Variants in CERS3 observed in about 807,000 individuals in gnomAD.
The protein encoded by CERS3 is LAG1 homolog, ceramide synthase 3.
CERS3 carries 33 observed loss-of-function variants against 50.3 expected under a neutral mutation model. The observed-to-expected ratio is 0.66, with a 90% CI of 0.50 to 0.88. The LOEUF is 0.88. Ranked by LOEUF, CERS3 falls within the 40% of genes least tolerant of loss-of-function variation. The pLI, the probability that CERS3 is intolerant of heterozygous loss-of-function variation, is 0.00. For synonymous variants in CERS3, 176 were observed against 155.2 expected, an observed-to-expected ratio of 1.13 and a Z score of -0.99; for missense variants, 470 against 460.3, an observed-to-expected ratio of 1.02 and a Z score of -0.19.
At chr15:100,498,887 G>C (rs973368366) in intron 3 of CERS3, among the ~76,000 whole-genome samples, 1 of 152,166 alleles carries the variant, frequency 6.6e-6, no homozygotes, top group Non-Finnish European at 1.5e-5. Context: ...TTGCTTTGTT[G>C]TGTTTTTTGT....
At chr15:100,468,210 C>T (rs541743039) in intron 10 of CERS3, among the ~76,000 whole-genome samples, 1 of 152,018 alleles carries the variant, frequency 6.6e-6, no homozygotes, top group African/African-American at 2.4e-5. Flanking sequence ...TACTGAGTAC[C>T]AGACATTGTT....
intron 11 of CERS3, among the ~76,000 whole-genome samples, chr15:100,414,094 T>C (rs766571502): frequency 1.3e-5 from 2 of 152,132 alleles, no homozygotes; most frequent in African/African-American, 2.4e-5. Context: ...ACTCATTCTA[T>C]GATGTCAGCA....
intron 9 of CERS3, 85 bp downstream of exon 9, chr15:100,472,839 T>C (rs2035010382): frequency 6.5e-7 from 1 of 1,526,776 alleles, no homozygotes; most frequent in Non-Finnish European, 9.1e-7. Context: ...AGAGCTCTGC[T>C]AAATTGCTCA....
At chr15:100,487,203 A>T (rs1175154073) in intron 4 of CERS3, among the ~76,000 whole-genome samples, 1 of 152,274 alleles carries the variant, frequency 6.6e-6, no homozygotes, top group Non-Finnish European at 1.5e-5. Context: ...CATGATTAAG[A>T]AACAAAGTGA....
At chr15:100,424,206 G>C (rs1214400177) in intron 11 of CERS3, among the ~76,000 whole-genome samples, 1 of 152,168 alleles carries the variant, frequency 6.6e-6, no homozygotes, top group East Asian at 1.9e-4. Flanking sequence ...CTCCCAAAGT[G>C]CTGGGATTAC....
intron 11 of CERS3, among the ~76,000 whole-genome samples, chr15:100,412,095 G>A (rs1276353863): frequency 6.6e-6 from 1 of 151,852 alleles, no homozygotes; most frequent in Non-Finnish European, 1.5e-5. Flanking sequence ...GTCTTTTGAT[G>A]CCCCAAAGTT....
At chr15:100,497,685 G>T (rs2142317434) in intron 3 of CERS3, among the ~76,000 whole-genome samples, 1 of 152,086 alleles carries the variant, frequency 6.6e-6, no homozygotes, top group Middle Eastern at 3.4e-3. Flanking sequence ...AATAGCATAT[G>T]GGTAAGTATA....
intron 11 of CERS3, among the ~76,000 whole-genome samples, chr15:100,415,402 A>G (rs1314730768): frequency 6.6e-6 from 1 of 152,222 alleles, no homozygotes; most frequent in Non-Finnish European, 1.5e-5. Flanking sequence ...TCAAAGAACT[A>G]GAACCAGAAA....
chr15:100,401,989 G>T lies in CERS3; in HGVS notation c.*724C>A, dbSNP rs1339837707. ...CCTTTCTTGGCACTTTCATTTCCAGGTATCTCCAGAGTCATTTAAGAGGAA... is the reference window on the plus strand; with the variant it reads ...CCTTTCTTGGCACTTTCATTTCCAGTTATCTCCAGAGTCATTTAAGAGGAA... On this transcript the variant is annotated 3_prime_UTR_variant, in exon 12 of 12. Coordinates refer to ENST00000679737, the MANE Select transcript of CERS3 (RefSeq NM_001378789.1). 1 of 152,190 alleles carries T rather than the reference G, an allele frequency of 6.6e-6. No individual in the cohort carries two copies. Among genetic ancestry groups the T allele is most frequent in the Non-Finnish European group, 1.5e-5 (1 of 68,052 alleles). The allele number at this position is 152,190 out of a possible 1,614,324, so 9.4% of individuals were successfully genotyped here.
chr15:100,493,494 T>C (rs117526554), intron 3 of CERS3, among the ~76,000 whole-genome samples: 3,666 of 152,360 alleles, frequency 0.024, 65 homozygotes, highest in Middle Eastern at 0.092. Flanking sequence ...TTTTGACAAG[T>C]TGATTATGAC....
At chr15:100,414,828 A>AAAAAAAAC (rs969459003) in intron 11 of CERS3, among the ~76,000 whole-genome samples, 5 of 151,746 alleles carry the variant, frequency 3.3e-5, no homozygotes, top group African/African-American at 1.2e-4. Flanking sequence ...TTAAAAAAAA[A>AAAAAAAAC]AAACCCTGGA....
chr15:100,423,337 T>C (rs955747697), intron 11 of CERS3, among the ~76,000 whole-genome samples: 34 of 152,310 alleles, frequency 2.2e-4, no homozygotes, highest in African/African-American at 8.2e-4. Flanking sequence ...ATCATAGCAC[T>C]ATTCACAATA....
intron 4 of CERS3, among the ~76,000 whole-genome samples, chr15:100,488,654 ATCT>A (rs1369440562): frequency 6.6e-6 from 1 of 152,162 alleles, no homozygotes; most frequent in Non-Finnish European, 1.5e-5. Context: ...AATTATTGTT[ATCT>A]TGATATACTA....
chr15:100,536,562 G>A (rs35026471), intron 1 of CERS3, among the ~76,000 whole-genome samples: 39,416 of 152,156 alleles, frequency 0.26, 5,892 homozygotes, highest in Non-Finnish European at 0.34. Flanking sequence ...TGAGATGACA[G>A]GCATGAGCCA....
chr15:100,502,017 CG>C (rs1347679099), intron 2 of CERS3, among the ~76,000 whole-genome samples, 167 bp from the exon 3 acceptor site: 6 of 150,986 alleles, frequency 4.0e-5, no homozygotes, highest in African/African-American at 1.5e-4. Context: ...GAGACCAAGG[CG>C]GGCGGATCAT....
intron 3 of CERS3, among the ~76,000 whole-genome samples, chr15:100,500,657 G>A (rs965151779): frequency 7.9e-5 from 12 of 152,208 alleles, no homozygotes; most frequent in Admixed American, 1.3e-4. Flanking sequence ...AGAATTAACT[G>A]TCAGAAAAGA....
intron 11 of CERS3, among the ~76,000 whole-genome samples, chr15:100,409,740 A>T (rs940640801): frequency 1.3e-5 from 2 of 151,910 alleles, no homozygotes; most frequent in African/African-American, 4.8e-5. Flanking sequence ...ACACACCAAC[A>T]CCCTGTAGGT....
rs200948329 is a variant in CERS3, at chr15:100,417,841, G to T, written c.1000-14976C>A. ...GGCACACTGACACCTCACACAGCAG[G>T]GTATTCCAACAGACCTGCAGCTGAG... On this transcript the variant is annotated intron_variant, in intron 11 of 11. Transcript: ENST00000679737. 7.4e-4 allele frequency among the ~76,000 whole-genome samples: 113 copies of T among 151,802 alleles called. 3 individuals are homozygous for T. The highest frequency in any genetic ancestry group is 2.7e-3 in the African/African-American group (111 of 41,174).
chr15:100,431,318 G>T (rs899009915), intron 11 of CERS3, among the ~76,000 whole-genome samples: 4 of 150,904 alleles, frequency 2.7e-5, no homozygotes, highest in African/African-American at 4.8e-5. Flanking sequence ...ATAATAAATG[G>T]TTCTTTAAAA....
Sources: allele counts gnomAD v4.1 joint callset (sites outside exome capture counted in the v4.1 genomes callset), GRCh38; gene constraint gnomAD v4.1.1; transcripts MANE v1.5; gene names NCBI Gene and HGNC (gene_info 2026-07-23, HGNC 2026-07-21).